The following NANOS3 variants were observed in gnomAD, a reference collection of about 807,000 sequenced individuals.
NANOS3 encodes nanos homolog 3.
In NANOS3, 11 loss-of-function variants were observed where a neutral mutation model predicts 13.8. That is an observed-to-expected ratio of 0.80 (90% CI 0.50 to 1.32). The LOEUF (loss-of-function observed/expected upper bound fraction) is 1.32, where lower values mean the gene tolerates loss of function less well. Among genes scored for constraint, NANOS3 ranks in the 40% most tolerant of loss-of-function variants. The pLI is 0.00. For synonymous variants in NANOS3, 119 were observed against 115.4 expected (o/e 1.03, Z -0.20); for missense variants, 221 against 263.8 (o/e 0.84, Z 1.12).
At chr19:13,873,640 C>A (rs1331254692), upstream of NANOS3, among the ~76,000 whole-genome samples, 1 of 152,012 alleles carries the variant, frequency 6.6e-6, no homozygotes, top group Non-Finnish European at 1.5e-5. Context: ...CCACACCCAG[C>A]TAATTTTTTT....
intron 1 of NANOS3, among the ~76,000 whole-genome samples, chr19:13,872,024 C>CA (rs1158801469): frequency 2.0e-5 from 3 of 151,026 alleles, no homozygotes; most frequent in Non-Finnish European, 4.4e-5. Flanking sequence ...AAAACAACAA[C>CA]AGCAACAAAA....
intron 1 of NANOS3, among the ~76,000 whole-genome samples, chr19:13,868,694 A>AG (rs1976278995): frequency 6.6e-6 from 1 of 151,158 alleles, no homozygotes; most frequent in Non-Finnish European, 1.5e-5. Flanking sequence ...AAAAAAAAAA[A>AG]AAAGAATGAA....
At chr19:13,876,606 C>T (rs1365326527), upstream of NANOS3, among the ~76,000 whole-genome samples, 1 of 152,096 alleles carries the variant, frequency 6.6e-6, no homozygotes, top group Non-Finnish European at 1.5e-5. Context: ...CATGATCCTT[C>T]CCCCCTACCC....
In NANOS3 at chr19:13,880,638, C is replaced by G; in HGVS notation, c.*135C>G. 1.3e-6 allele frequency: 1 copy of G among 746,600 alleles called. No homozygotes were observed. The highest frequency in any genetic ancestry group is 2.3e-6 in the Non-Finnish European group (1 of 441,132). 46.2% of individuals were successfully genotyped at this position (746,600 alleles called of 1,614,324 possible). A position where few individuals can be genotyped will look rare whatever the true frequency, so the allele number is the denominator to read the frequency against. On this transcript the variant is annotated 3_prime_UTR_variant, in exon 2 of 2. Coordinates refer to ENST00000339133, the MANE Select transcript of NANOS3 (RefSeq NM_001098622.3). The stretch of plus-strand genomic sequence containing the variant: ...AGCCCTGGGGATGACCCGGGGTTGG[C>G]AAGGGAAGAGCTGAAATCGCCCTGT...
upstream of NANOS3, among the ~76,000 whole-genome samples, chr19:13,864,252 C>T (rs1447373946): frequency 1.3e-5 from 2 of 152,176 alleles, no homozygotes; most frequent in East Asian, 3.9e-4. Context: ...GTGCAAGGAT[C>T]TTTGGGAGAT....
intron 1 of NANOS3, among the ~76,000 whole-genome samples, chr19:13,878,795 C>T (rs774849601): frequency 5.4e-5 from 8 of 149,364 alleles, no homozygotes; most frequent in African/African-American, 9.9e-5. Context: ...TTTTTTTCCT[C>T]CCATAGAAAC....
At chr19:13,877,978 G>A (rs1432603594) in intron 1 of NANOS3, among the ~76,000 whole-genome samples, 3 of 151,998 alleles carry the variant, frequency 2.0e-5, no homozygotes, top group Admixed American at 6.6e-5. Context: ...GCGCCATCTC[G>A]GCTCACTGCA....
chr19:13,869,756 ACACACACACACACGCACG>A (rs1490191153), intron 1 of NANOS3, among the ~76,000 whole-genome samples: 2 of 135,848 alleles, frequency 1.5e-5, no homozygotes, highest in African/African-American at 2.5e-5. Flanking sequence ...GCCCAAGTAC[ACACACACACACACGCACG>A]CACACACACA....
chr19:13,869,999 C>T (rs1293730990), intron 1 of NANOS3, among the ~76,000 whole-genome samples: 1 of 152,046 alleles, frequency 6.6e-6, no homozygotes, highest in Non-Finnish European at 1.5e-5. Flanking sequence ...CCGCCAGACA[C>T]CCCTGGGAGC....
At chr19:13,869,345 C>A (rs529731282) in intron 1 of NANOS3, among the ~76,000 whole-genome samples, 103 of 152,152 alleles carry the variant, frequency 6.8e-4, no homozygotes, top group Admixed American at 1.3e-3. Flanking sequence ...CCCTCCATAG[C>A]CCCCAATCCC....
chr19:13,865,510 G>C (rs1976222062), intron 1 of NANOS3: 1 of 144,810 alleles, frequency 6.9e-6, no homozygotes, highest in African/African-American at 2.5e-5. Flanking sequence ...GGCGCGGCGG[G>C]GCGGGGCGGG....
upstream of NANOS3, among the ~76,000 whole-genome samples, chr19:13,863,607 A>T (rs919692590): frequency 2.8e-4 from 42 of 151,570 alleles, no homozygotes; most frequent in African/African-American, 1.0e-3. Flanking sequence ...GCCCCCCCCA[A>T]CCCCATGGAG....
intron 1 of NANOS3, among the ~76,000 whole-genome samples, chr19:13,870,267 G>A (rs1475555523): frequency 1.3e-5 from 2 of 152,070 alleles, no homozygotes; most frequent in African/African-American, 2.4e-5. Context: ...TTTTAGTTGA[G>A]CCAGGGTTTC....
upstream of NANOS3, chr19:13,875,075 CCT>C (rs1599303412): frequency 2.4e-6 from 1 of 411,644 alleles, no homozygotes; most frequent in East Asian, 5.8e-5. Flanking sequence ...CCCAACCACT[CCT>C]CTTTGGAGAG....
At chr19:13,863,680 C>G (rs1599295607), upstream of NANOS3, among the ~76,000 whole-genome samples, 1 of 152,262 alleles carries the variant, frequency 6.6e-6, no homozygotes, top group East Asian at 1.9e-4. Flanking sequence ...TCCATCCCCA[C>G]TCTGGGAGAA....
chr19:13,863,686 GAGA>G (rs908784665), upstream of NANOS3, among the ~76,000 whole-genome samples: 11 of 152,148 alleles, frequency 7.2e-5, no homozygotes, highest in African/African-American at 2.2e-4. Flanking sequence ...CCCACTCTGG[GAGA>G]AGACTTCCTT....
upstream of NANOS3, among the ~76,000 whole-genome samples, chr19:13,876,710 G>T (rs529993612): frequency 2.0e-5 from 3 of 150,706 alleles, no homozygotes; most frequent in Non-Finnish European, 4.4e-5. Context: ...CACACACAAA[G>T]AACCCAGGGG....
At chr19:13,878,975 T>C (rs1968575008) in intron 1 of NANOS3, among the ~76,000 whole-genome samples, 1 of 146,618 alleles carries the variant, frequency 6.8e-6, no homozygotes, top group Admixed American at 6.9e-5. Flanking sequence ...GGAGTCTTGC[T>C]CTGTCACCCA....
chr19:13,871,985 C>T (rs760565794), intron 1 of NANOS3, among the ~76,000 whole-genome samples: 1 of 151,790 alleles, frequency 6.6e-6, no homozygotes, highest in Non-Finnish European at 1.5e-5. Context: ...GGCAACAGAG[C>T]GAGACCCCGT....
Sources: gnomAD v4.1 joint callset for allele counts (sites outside exome capture counted in the v4.1 genomes callset) on GRCh38, gnomAD v4.1.1 for gene constraint, MANE v1.5 for transcripts, NCBI Gene and HGNC (gene_info 2026-07-23, HGNC 2026-07-21) for gene names.